Variants in ZNF75D observed in about 807,000 individuals in gnomAD.
The protein encoded by ZNF75D is zinc finger protein 75.
In ZNF75D, 33 loss-of-function variants were observed where a neutral mutation model predicts 33.3. That is an observed-to-expected ratio of 0.99 (90% CI 0.75 to 1.32). The LOEUF is 1.32. Ranked by LOEUF, ZNF75D falls within the 40% of genes most tolerant of loss-of-function variation. ZNF75D has a pLI of 0.00. For synonymous variants in ZNF75D, 113 were observed against 130.6 expected (o/e 0.87, Z 0.92); for missense variants, 338 against 367.5 (o/e 0.92, Z 0.66).
chrX:135,306,911 G>C (rs989003837), intron 1 of ZNF75D, among the ~76,000 whole-genome samples: 1 of 110,990 alleles, frequency 9.0e-6, no homozygotes, highest in African/African-American at 3.3e-5. Flanking sequence ...TGGGGTCTCC[G>C]TATGTTACCC....
intron 1 of ZNF75D, among the ~76,000 whole-genome samples, chrX:135,309,320 T>C (rs782072802): frequency 5.4e-5 from 6 of 111,249 alleles, no homozygotes; most frequent in Non-Finnish European, 7.5e-5. Flanking sequence ...GAATAAATGA[T>C]ATGGTTGGCA....
At chrX:135,257,227 C>G (rs782269848) in intron 1 of ZNF75D, among the ~76,000 whole-genome samples, 83 of 112,466 alleles carry the variant, frequency 7.4e-4, no homozygotes, top group African/African-American at 2.5e-3. Context: ...TTGGGGTCCT[C>G]GAGTCCAGGC....
chrX:135,282,405 C>T (rs986508984), downstream of ZNF75D, among the ~76,000 whole-genome samples: 3 of 111,724 alleles, frequency 2.7e-5, no homozygotes, highest in African/African-American at 9.8e-5. Flanking sequence ...ATTTCAAACC[C>T]GTGGATCTTA....
chrX:135,283,853 G>A (rs1465541572), downstream of ZNF75D, among the ~76,000 whole-genome samples: 1 of 111,714 alleles, frequency 9.0e-6, no homozygotes, highest in African/African-American at 3.3e-5. Context: ...GTGGAGACCT[G>A]AGTCTGGCAC....
chrX:135,276,584 C>A (rs1435866526), intron 1 of ZNF75D, among the ~76,000 whole-genome samples: 4 of 111,212 alleles, frequency 3.6e-5, no homozygotes, highest in Non-Finnish European at 7.6e-5. Flanking sequence ...TGGTTGGCTG[C>A]ACCCATCAAC....
intron 1 of ZNF75D, among the ~76,000 whole-genome samples, chrX:135,335,432 C>T (rs892759314): frequency 9.0e-6 from 1 of 111,200 alleles, no homozygotes; most frequent in Non-Finnish European, 1.9e-5. Flanking sequence ...CCTGAAGTTG[C>T]CTTCTCACTC....
In ZNF75D at chrX:135,326,744, G is replaced by A. The variant is rs782752054; in HGVS notation, c.-391+15024C>T. On this transcript the variant is annotated intron_variant, in intron 1 of 6. Transcript: ENST00000370766. ...AGACCATGAGCCCACCGGGAGGAAC[G>A]AACAACTCCAGATGCGCTGCCTTAA... Among the ~76,000 whole-genome samples the A allele has an allele frequency of 1.2e-3, 136 of 110,834 alleles. 1 individual carries two copies. The highest frequency in any genetic ancestry group is 1.9e-3 in the Non-Finnish European group (102 of 52,842).
chrX:135,292,123 ACCC>A (rs1434069932), intron 4 of ZNF75D, among the ~76,000 whole-genome samples, 155 bp downstream of exon 4: 2 of 110,576 alleles, frequency 1.8e-5, no homozygotes, highest in Admixed American at 1.9e-4. Flanking sequence ...CCCCAGGCTG[ACCC>A]CCACCTTCAA....
intron 1 of ZNF75D, among the ~76,000 whole-genome samples, chrX:135,279,372 T>G (rs1556418143): frequency 8.9e-6 from 1 of 112,031 alleles, no homozygotes; most frequent in Non-Finnish European, 1.9e-5. Flanking sequence ...ATTTGATTTT[T>G]CTCTCTTCTT....
At chrX:135,284,709 G>A (rs782779075), downstream of ZNF75D, among the ~76,000 whole-genome samples, 2 of 111,852 alleles carry the variant, frequency 1.8e-5, no homozygotes, top group Non-Finnish European at 3.8e-5. Flanking sequence ...AAACCCTGCT[G>A]ATAATGATGC....
At chrX:135,291,186 C>T (rs782187047) in intron 5 of ZNF75D, 51 bp from the exon 6 acceptor site, 1 of 1,186,369 alleles carries the variant, frequency 8.4e-7, no homozygotes, top group Non-Finnish European at 1.1e-6. Flanking sequence ...CAGAAGCTGT[C>T]CTACCACCCA....
chrX:135,311,174 C>T (rs1556427974), intron 1 of ZNF75D, among the ~76,000 whole-genome samples: 2 of 112,368 alleles, frequency 1.8e-5, no homozygotes, highest in Non-Finnish European at 1.9e-5. Flanking sequence ...GCCTTTGATG[C>T]CCTGTGAGGC....
At chrX:135,325,798 G>A (rs1440724500) in intron 1 of ZNF75D, among the ~76,000 whole-genome samples, 40 of 112,501 alleles carry the variant, frequency 3.6e-4, no homozygotes, top group Non-Finnish European at 5.3e-4. Context: ...CCTGCTCCAC[G>A]GCGCCCAGTC....
downstream of ZNF75D, among the ~76,000 whole-genome samples, chrX:135,283,149 C>T (rs896817219): frequency 8.9e-6 from 1 of 111,771 alleles, no homozygotes; most frequent in Admixed American, 9.4e-5. Context: ...CCTGGGTTGT[C>T]CAGATCTAAG....
intron 1 of ZNF75D, among the ~76,000 whole-genome samples, chrX:135,336,502 G>T (rs1156553978): frequency 1.8e-5 from 2 of 112,245 alleles, no homozygotes; most frequent in African/African-American, 3.2e-5. Flanking sequence ...TCATGATCTG[G>T]GTGAAAGGCT....
chrX:135,327,493 G>T (rs781858950), intron 1 of ZNF75D, among the ~76,000 whole-genome samples: 2 of 112,214 alleles, frequency 1.8e-5, no homozygotes, highest in Non-Finnish European at 3.8e-5. Context: ...CATTTGCAAT[G>T]ACAAGAACTA....
chrX:135,301,886 A>G, intron 1 of ZNF75D, among the ~76,000 whole-genome samples: 1 of 112,370 alleles, frequency 8.9e-6, no homozygotes, highest in East Asian at 2.8e-4. Flanking sequence ...GAGGTTCTCC[A>G]TGAGGGCTCT....
chrX:135,328,395 G>C (rs1458070918), intron 1 of ZNF75D, among the ~76,000 whole-genome samples: 1 of 111,266 alleles, frequency 9.0e-6, no homozygotes, highest in Non-Finnish European at 1.9e-5. Flanking sequence ...AACTAATTGG[G>C]TTCACATCCT....
intron 1 of ZNF75D, among the ~76,000 whole-genome samples, chrX:135,312,660 C>CT (rs1215909520): frequency 0.011 from 1,112 of 98,678 alleles, 4 homozygotes; most frequent in South Asian, 0.018. Flanking sequence ...GCATCTGTGA[C>CT]TTTTTTTTTT....
Sources: allele counts gnomAD v4.1 joint callset (sites outside exome capture counted in the v4.1 genomes callset), GRCh38; gene constraint gnomAD v4.1.1; transcripts MANE v1.5; gene names NCBI Gene and HGNC (gene_info 2026-07-23, HGNC 2026-07-21).